The following SYNE1 variants were observed in gnomAD, a reference collection of about 807,000 sequenced individuals.
The protein encoded by SYNE1 is spectrin repeat containing nuclear envelope protein 1.
Under a neutral mutation model 1,111.0 loss-of-function variants are expected in SYNE1, and 616 were observed. The observed-to-expected ratio is 0.55, with a 90% CI of 0.52 to 0.59. The LOEUF is 0.59. Among genes scored for constraint, SYNE1 ranks in the 20% least tolerant of loss-of-function variants. The pLI, the probability that SYNE1 is intolerant of heterozygous loss-of-function variation, is 0.00. For missense variants in SYNE1, 10,006 were observed against 10,417.0 expected (o/e 0.96, Z 1.72); for synonymous variants, 3,855 against 3,825.8 (o/e 1.01, Z -0.28).
rs1372165635 is a variant in SYNE1, at chr6:152,483,256, T to C, written c.1186-7A>G. On this transcript the variant is annotated splice_region_variant and splice_polypyrimidine_tract_variant and intron_variant, in intron 13 of 145. Coordinates refer to ENST00000367255, the MANE Select transcript of SYNE1 (RefSeq NM_182961.4). ...GTATATGCCAGTCAAAGAGCTAAAA[T>C]TTAAAAAGCAGAAAAGTAAAATATC... 2 of 1,613,728 alleles carry C rather than the reference T, an allele frequency of 1.2e-6. No homozygotes were observed. Among genetic ancestry groups the C allele is most frequent in the Non-Finnish European group, 8.5e-7 (1 of 1,179,836 alleles).
At chr6:152,584,098 C>A (rs1252546094) in intron 3 of SYNE1, among the ~76,000 whole-genome samples, 1 of 152,164 alleles carries the variant, frequency 6.6e-6, no homozygotes, top group Non-Finnish European at 1.5e-5. Flanking sequence ...TGATCTTTGG[C>A]AGATTATGAC....
chr6:152,237,086 A>C (rs1041573541), intron 108 of SYNE1, 138 bp from the exon 109 acceptor site: 1 of 1,202,772 alleles, frequency 8.3e-7, no homozygotes, highest in Non-Finnish European at 1.2e-6. Context: ...TTGCTTTGGG[A>C]AGCAAAAGAT....
intron 3 of SYNE1, among the ~76,000 whole-genome samples, chr6:152,603,308 G>C (rs1242265932): frequency 2.6e-5 from 4 of 152,082 alleles, no homozygotes; most frequent in Non-Finnish European, 5.9e-5. Flanking sequence ...CTCCCTCCCT[G>C]ATTTCCACGC....
chr6:152,318,325 C>A, intron 85 of SYNE1, 62 bp from the exon 86 acceptor site: 2 of 1,576,940 alleles, frequency 1.3e-6, no homozygotes, highest in South Asian at 2.2e-5. Flanking sequence ...CCAGGTTTCC[C>A]GAGATCAGAC....
intron 17 of SYNE1, 27 bp from the exon 18 acceptor site, chr6:152,465,487 C>T (rs371869290): frequency 6.4e-4 from 1,017 of 1,595,454 alleles, no homozygotes; most frequent in Non-Finnish European, 8.0e-4. Flanking sequence ...CAATTATAAC[C>T]CTTATCTCAT....
chr6:152,294,625 A>G (rs564359711), intron 93 of SYNE1, among the ~76,000 whole-genome samples: 1 of 152,316 alleles, frequency 6.6e-6, no homozygotes, highest in South Asian at 2.1e-4. Flanking sequence ...TAATTTAAAT[A>G]TTTTGATATT....
intron 98 of SYNE1, among the ~76,000 whole-genome samples, chr6:152,270,749 C>T (rs1281741907): frequency 6.6e-6 from 1 of 152,140 alleles, no homozygotes; most frequent in African/African-American, 2.4e-5. Flanking sequence ...AAACAGATAA[C>T]TGAGCTGAAG....
At chr6:152,467,404 T>C (rs2098777111) in intron 16 of SYNE1, among the ~76,000 whole-genome samples, 1 of 152,126 alleles carries the variant, frequency 6.6e-6, no homozygotes, top group African/African-American at 2.4e-5. Flanking sequence ...TGATCAAAAA[T>C]GGAAAATTAT....
At chr6:152,439,070 T>TCATAATCAA (rs2098503277) in intron 32 of SYNE1, among the ~76,000 whole-genome samples, 1 of 152,244 alleles carries the variant, frequency 6.6e-6, no homozygotes, top group Non-Finnish European at 1.5e-5. Flanking sequence ...CTTAGGACTG[T>TCATAATCAA]TTTGAGGATT....
At chr6:152,485,604 T>A (rs1309187429) in intron 12 of SYNE1, among the ~76,000 whole-genome samples, 6 of 152,232 alleles carry the variant, frequency 3.9e-5, no homozygotes, top group Non-Finnish European at 8.8e-5. Flanking sequence ...TAGACTTAAC[T>A]ATAAGCTTAA....
chr6:152,603,864 TAGA>T (rs376304254), intron 3 of SYNE1, among the ~76,000 whole-genome samples: 101 of 146,942 alleles, frequency 6.9e-4, no homozygotes, highest in East Asian at 1.4e-3. Context: ...TATATATAGA[TAGA>T]TATACTATCT....
Position 152,455,416 on chromosome 6 carries a change from G to T in SYNE1, c.2892+10C>A. ...ATTCAGGTCAAGTGTCCCCTAAAGGGTGGACTCACAGTGTGTCTCCGCAGG... is the reference window on the plus strand; with the variant it reads ...ATTCAGGTCAAGTGTCCCCTAAAGGTTGGACTCACAGTGTGTCTCCGCAGG... On this transcript the variant is annotated intron_variant, in intron 24 of 145. Coordinates refer to ENST00000367255, the MANE Select transcript of SYNE1 (RefSeq NM_182961.4). 6.2e-7 allele frequency: 1 copy of T among 1,612,916 alleles called. No individual in the cohort carries two copies. The highest frequency in any genetic ancestry group is 8.5e-7 in the Non-Finnish European group (1 of 1,179,358).
At chr6:152,498,024 C>A (rs7774755) in intron 11 of SYNE1, among the ~76,000 whole-genome samples, 79,243 of 152,002 alleles carry the variant, frequency 0.52, 22,382 homozygotes, top group East Asian at 0.76. Flanking sequence ...ATATACATAA[C>A]CTCATACTTT....
intron 52 of SYNE1, 152 bp downstream of exon 52, chr6:152,391,125 C>T (rs1563640201): frequency 3.9e-6 from 4 of 1,013,486 alleles, no homozygotes; most frequent in South Asian, 2.7e-5. Context: ...AAAAATGATG[C>T]CTCTGTATCC....
At chr6:152,254,758 T>A (rs570235233) in intron 104 of SYNE1, 122 bp downstream of exon 104, 554 of 928,746 alleles carry the variant, frequency 6.0e-4, no homozygotes, top group Non-Finnish European at 8.1e-4. Flanking sequence ...TTTTCTACAA[T>A]GCTCTTGTTC....
At chr6:152,308,439 C>CTA in intron 91 of SYNE1, 50 bp downstream of exon 91, 1 of 1,613,138 alleles carries the variant, frequency 6.2e-7, no homozygotes, top group African/African-American at 1.3e-5. Flanking sequence ...AACATATACT[C>CTA]TAATCAAGCC....
chr6:152,265,667 AC>A (rs2092630898), intron 100 of SYNE1, among the ~76,000 whole-genome samples: 1 of 152,170 alleles, frequency 6.6e-6, no homozygotes, highest in African/African-American at 2.4e-5. Context: ...CCAGTAGCAA[AC>A]CTTTTAAAAC....
intron 78 of SYNE1, among the ~76,000 whole-genome samples, chr6:152,327,120 G>A (rs936132820): frequency 6.6e-6 from 1 of 151,926 alleles, no homozygotes; most frequent in African/African-American, 2.4e-5. Flanking sequence ...TGGTGAAACC[G>A]TGTCTCTACT....
intron 52 of SYNE1, among the ~76,000 whole-genome samples, chr6:152,391,065 T>C (rs2097611391): frequency 6.6e-6 from 1 of 152,180 alleles, no homozygotes; most frequent in Non-Finnish European, 1.5e-5. Context: ...CTAAATCAAA[T>C]TTAAAATTAT....
Sources: gnomAD v4.1 joint callset for allele counts (sites outside exome capture counted in the v4.1 genomes callset) on GRCh38, gnomAD v4.1.1 for gene constraint, MANE v1.5 for transcripts, NCBI Gene and HGNC (gene_info 2026-07-23, HGNC 2026-07-21) for gene names.